MCPH1: variants seen among roughly 807,000 people sequenced by gnomAD.
The protein encoded by MCPH1 is microcephalin.
Under a neutral mutation model 84.5 loss-of-function variants are expected in MCPH1, and 104 were observed. The ratio of observed to expected loss-of-function variants is 1.23; its 90% CI spans 1.05 to 1.45. MCPH1 has a LOEUF of 1.45. Among genes scored for constraint, MCPH1 ranks in the 40% most tolerant of loss-of-function variants. The pLI is 0.00. For missense variants in MCPH1, 1,498 were observed against 1,005.7 expected (o/e 1.49, Z -6.62); for synonymous variants, 514 against 366.8 (o/e 1.40, Z -4.58).
chr8:6,610,097 G>T (rs1036108707), intron 12 of MCPH1, among the ~76,000 whole-genome samples: 4 of 152,158 alleles, frequency 2.6e-5, no homozygotes, highest in African/African-American at 7.2e-5. Context: ...AGTCATGTTC[G>T]CTATTTTTAC....
At chr8:6,409,195 CTTAAA>C in intron 1 of MCPH1, 79 bp from the exon 2 acceptor site, 1 of 1,223,190 alleles carries the variant, frequency 8.2e-7, no homozygotes, top group Non-Finnish European at 1.2e-6. Context: ...TCGGTTTACT[CTTAAA>C]TGTAAATAGA....
chr8:6,589,269 A>G (rs868394506), intron 12 of MCPH1, among the ~76,000 whole-genome samples: 15 of 151,236 alleles, frequency 9.9e-5, no homozygotes, highest in East Asian at 3.9e-4. Flanking sequence ...TCCTTCTTCA[A>G]AAATGACTGA....
intron 12 of MCPH1, among the ~76,000 whole-genome samples, chr8:6,537,277 T>C (rs762976123): frequency 6.6e-6 from 1 of 152,142 alleles, no homozygotes; most frequent in East Asian, 1.9e-4. Flanking sequence ...CTGCTGTATA[T>C]GTGTGCGAGG....
chr8:6,566,274 T>C (rs1230610351), intron 12 of MCPH1, among the ~76,000 whole-genome samples: 1 of 152,226 alleles, frequency 6.6e-6, no homozygotes, highest in Non-Finnish European at 1.5e-5. Flanking sequence ...TCTGAGAGCC[T>C]AGGTGGTCTG....
intron 11 of MCPH1, among the ~76,000 whole-genome samples, chr8:6,493,482 A>G (rs1287478871): frequency 6.6e-6 from 1 of 152,140 alleles, no homozygotes; most frequent in Non-Finnish European, 1.5e-5. Flanking sequence ...TTAACTATAT[A>G]CTTTTAGTAC....
In MCPH1 at chr8:6,480,641, T is replaced by C. The variant is rs1437404653; in HGVS notation, c.1974-73T>C. 2.6e-6 allele frequency: 4 copies of C among 1,556,160 alleles called. No homozygotes were observed. The African/African-American group carries it at 5.4e-5, about 21-fold the overall frequency. Reference sequence around the variant, plus strand: ...CTTTCTAGTTTTATTAGTACTAATATTGAGTGTAACTGCTTTGATGGGCAT... The same window carrying C: ...CTTTCTAGTTTTATTAGTACTAATACTGAGTGTAACTGCTTTGATGGGCAT... On this transcript the variant is annotated intron_variant, in intron 10 of 13. Transcript: ENST00000344683.
intron 12 of MCPH1, among the ~76,000 whole-genome samples, chr8:6,596,044 A>G (rs1828901628): frequency 6.6e-6 from 1 of 152,230 alleles, no homozygotes; most frequent in African/African-American, 2.4e-5. Context: ...ACAAAAAAGT[A>G]TGTTTCTGTG....
intron 12 of MCPH1, among the ~76,000 whole-genome samples, chr8:6,619,669 C>G (rs1831207059): frequency 6.6e-6 from 1 of 151,966 alleles, no homozygotes; most frequent in African/African-American, 2.4e-5. Flanking sequence ...ACTGCAAGCT[C>G]CACCTCCCGG....
intron 12 of MCPH1, among the ~76,000 whole-genome samples, chr8:6,609,825 C>CCCCCCCCA (rs1469604755): frequency 7.8e-6 from 1 of 128,700 alleles, no homozygotes; most frequent in Non-Finnish European, 1.9e-5. Context: ...CCCCGCCCCC[C>CCCCCCCCA]CCCCACACAC....
intron 12 of MCPH1, among the ~76,000 whole-genome samples, chr8:6,567,663 C>G (rs2442548): frequency 0.7 from 106,290 of 152,028 alleles, 40,670 homozygotes; most frequent in Non-Finnish European, 0.85. Flanking sequence ...AATGGGAGGC[C>G]CTTGAAGGCA....
intron 10 of MCPH1, 39 bp from the exon 11 acceptor site, chr8:6,480,675 A>G (rs1275482540): frequency 3.1e-6 from 5 of 1,613,160 alleles, no homozygotes; most frequent in Non-Finnish European, 4.2e-6. Flanking sequence ...ATGTGCAACA[A>G]AGTCATTCAT....
intron 12 of MCPH1, among the ~76,000 whole-genome samples, chr8:6,550,217 C>G (rs929595734): frequency 1.3e-5 from 2 of 152,230 alleles, no homozygotes; most frequent in South Asian, 4.1e-4. Context: ...CACTGGCTAC[C>G]GCTAGGTGGC....
chr8:6,646,244 G>A lies in MCPH1; in HGVS notation c.*3195G>A, dbSNP rs1319805797. The A allele has an allele frequency of 6.6e-6, 1 of 152,152 alleles. No homozygotes were observed. Among genetic ancestry groups the A allele is most frequent in the Non-Finnish European group, 1.5e-5 (1 of 68,034 alleles). 9.4% of individuals were successfully genotyped at this position (152,152 alleles called of 1,614,324 possible). On this transcript the variant is annotated 3_prime_UTR_variant, in exon 14 of 14. Coordinates refer to ENST00000344683, the MANE Select transcript of MCPH1 (RefSeq NM_024596.5). ...GTTTAAGACCAGCCTGGCCAACTTG[G>A]TGAAACCTTGTCTCTACTAGAAATA...
At chr8:6,618,577 A>T (rs2129580334) in intron 12 of MCPH1, 1 of 152,304 alleles carries the variant, frequency 6.6e-6, no homozygotes, top group South Asian at 2.1e-4. Flanking sequence ...CAGGATTTTT[A>T]AAAATACACA....
chr8:6,412,355 G>C (rs1443526340), intron 2 of MCPH1, among the ~76,000 whole-genome samples: 2 of 152,206 alleles, frequency 1.3e-5, no homozygotes, highest in Non-Finnish European at 2.9e-5. Context: ...GTAGCATTAA[G>C]ATCTTAGATC....
rs549239717 is a variant in MCPH1, at chr8:6,455,097, G to C, written c.1826-46G>C. The C allele has an allele frequency of 6.5e-5, 91 of 1,410,630 alleles. 1 individual carries two copies. The South Asian group carries it at 1.0e-3, about 16-fold the overall frequency. The allele number at this position is 1,410,630 out of a possible 1,614,324, so 87.4% of individuals were successfully genotyped here. On this transcript the variant is annotated intron_variant, in intron 8 of 13. Coordinates refer to ENST00000344683, the MANE Select transcript of MCPH1 (RefSeq NM_024596.5). ...TTTTTGTTTTGCTTAAGTTGTATTT[G>C]GTCCATGTAAAGTTCTAACTAATTT...
chr8:6,587,085 T>G (rs570385769), intron 12 of MCPH1, among the ~76,000 whole-genome samples: 1 of 152,162 alleles, frequency 6.6e-6, no homozygotes, highest in East Asian at 1.9e-4. Flanking sequence ...TGCCATTTAT[T>G]TTTGCTGTCG....
intron 12 of MCPH1, among the ~76,000 whole-genome samples, chr8:6,585,728 G>C (rs1827924923): frequency 1.3e-5 from 2 of 152,262 alleles, no homozygotes; most frequent in Admixed American, 6.5e-5. Context: ...CATGTAACTG[G>C]TCTTTCCTCC....
chr8:6,582,669 C>A (rs1050228470), intron 12 of MCPH1, among the ~76,000 whole-genome samples: 1 of 152,188 alleles, frequency 6.6e-6, no homozygotes, highest in Non-Finnish European at 1.5e-5. Flanking sequence ...TATCCCATTA[C>A]CCTGCCTTCC....
Sources: allele counts gnomAD v4.1 joint callset (sites outside exome capture counted in the v4.1 genomes callset), GRCh38; gene constraint gnomAD v4.1.1; transcripts MANE v1.5; gene names NCBI Gene and HGNC (gene_info 2026-07-23, HGNC 2026-07-21).